The following PLXDC2 variants were observed in gnomAD, a reference collection of about 807,000 sequenced individuals.
PLXDC2 encodes the protein plexin domain containing 2, also known as plexin domain-containing protein 2.
A neutral mutation model predicts 68.9 loss-of-function variants in PLXDC2; 40 were observed. That is an observed-to-expected ratio of 0.58 (90% CI 0.45 to 0.76). The LOEUF is 0.76. Among genes scored for constraint, PLXDC2 ranks in the 30% least tolerant of loss-of-function variants. The probability of loss-of-function intolerance (pLI) is 0.00; values close to 1 mark genes in which losing one functional copy is unlikely to be tolerated. For synonymous variants in PLXDC2, 243 were observed against 234.2 expected (o/e 1.04, Z -0.34); for missense variants, 644 against 661.9 (o/e 0.97, Z 0.30).
intron 1 of PLXDC2, among the ~76,000 whole-genome samples, chr10:19,859,906 A>G (rs769356522): frequency 2.0e-5 from 3 of 151,858 alleles, no homozygotes; most frequent in Non-Finnish European, 4.4e-5. Flanking sequence ...TAATTTTTGT[A>G]TTTTTAGTGG....
intron 1 of PLXDC2, among the ~76,000 whole-genome samples, chr10:19,909,931 G>C (rs1442008866): frequency 6.6e-6 from 1 of 152,124 alleles, no homozygotes; most frequent in Non-Finnish European, 1.5e-5. Context: ...CTTTAGTGCT[G>C]TTCATACTTG....
At chr10:19,958,815 TTTTTG>T (rs149765264) in intron 1 of PLXDC2, among the ~76,000 whole-genome samples, 14 of 151,792 alleles carry the variant, frequency 9.2e-5, no homozygotes, top group African/African-American at 2.7e-4. Context: ...TGTATGTAAG[TTTTTG>T]TTTTGTTTTG....
In PLXDC2 at chr10:20,044,243, T is replaced by TTCTTTCTTTCTTTCTTTCTTTC. The variant is rs1835751562; in HGVS notation, c.325-2624_325-2603dup. On this transcript the variant is annotated intron_variant, in intron 2 of 13. Transcript: ENST00000377252. ...TTTCTTTCTTTCTTTCTTTCTTTCT[T>TTCTTTCTTTCTTTCTTTCTTTC]TCTTTCTTTCTTTCTTTCTTTCTTT... Among the ~76,000 whole-genome samples, 27 of 114,284 alleles carry TTCTTTCTTTCTTTCTTTCTTTC rather than the reference T, an allele frequency of 2.4e-4. 1 individual carries two copies. Among genetic ancestry groups the TTCTTTCTTTCTTTCTTTCTTTC allele is most frequent in the Admixed American group, 4.5e-4 (5 of 11,040 alleles). The allele number at this position is 114,284 out of a possible 152,430, so 75.0% of individuals were successfully genotyped here. A position where few individuals can be genotyped will look rare whatever the true frequency, so the allele number is the denominator to read the frequency against.
chr10:20,274,585 GA>G, intron 13 of PLXDC2, among the ~76,000 whole-genome samples: 1 of 152,274 alleles, frequency 6.6e-6, no homozygotes, highest in Middle Eastern at 3.4e-3. Context: ...AGGGCGAGCA[GA>G]AAATGTGCAA....
At chr10:20,134,020 G>A (rs1358253686) in intron 4 of PLXDC2, among the ~76,000 whole-genome samples, 2 of 152,108 alleles carry the variant, frequency 1.3e-5, no homozygotes, top group African/African-American at 4.8e-5. Context: ...TTTCAGTTCA[G>A]TTAATGTTTT....
At position 20,177,505 on chromosome 10, in the gene PLXDC2, C is replaced by G. The variant is rs938908868; in HGVS notation, c.1061+96C>G. 2.4e-5 allele frequency: 12 copies of G among 500,430 alleles called. No individual in the cohort carries two copies. In the African/African-American group the frequency reaches 2.5e-4, roughly 10 times the overall value. The allele number at this position is 500,430 out of a possible 1,614,324, so 31.0% of individuals were successfully genotyped here. ...ACTTATGGACAGGTGCAGTGGCTCA[C>G]ACTTGTAATCCCAGCACTTTGAGAG... On this transcript the variant is annotated intron_variant, in intron 9 of 13. Transcript: ENST00000377252.
chr10:20,242,391 T>G lies in PLXDC2; in HGVS notation c.1313-2954T>G, dbSNP rs754662166. Among the ~76,000 whole-genome samples, 4 of 152,164 alleles carry G rather than the reference T, an allele frequency of 2.6e-5. No individual in the cohort carries two copies. In the South Asian group the frequency reaches 8.3e-4, roughly 31 times the overall value. ...AGTGCTTATTATGAGTCAGGTACTC[T>G]CCTAAGAACTTTATATGTATTAAAT... On this transcript the variant is annotated intron_variant, in intron 12 of 13. Coordinates refer to ENST00000377252, the MANE Select transcript of PLXDC2 (RefSeq NM_032812.9).
intron 9 of PLXDC2, among the ~76,000 whole-genome samples, chr10:20,193,574 C>T (rs978265170): frequency 6.6e-6 from 1 of 152,010 alleles, no homozygotes; most frequent in South Asian, 2.1e-4. Context: ...GAAGATTCAA[C>T]ACTATATATG....
chr10:19,940,118 A>G (rs1052555943), intron 1 of PLXDC2, among the ~76,000 whole-genome samples: 1 of 151,818 alleles, frequency 6.6e-6, no homozygotes, highest in Non-Finnish European at 1.5e-5. Flanking sequence ...GGGTCTTATC[A>G]TTGGGCAAAT....
chr10:20,104,572 T>C (rs759310146), intron 4 of PLXDC2, among the ~76,000 whole-genome samples: 1 of 152,210 alleles, frequency 6.6e-6, no homozygotes, highest in Non-Finnish European at 1.5e-5. Context: ...CTGCAGCAGC[T>C]AGGTTCCATG....
At chr10:20,012,741 G>A (rs7921016) in intron 2 of PLXDC2, among the ~76,000 whole-genome samples, 69,205 of 151,902 alleles carry the variant, frequency 0.46, 16,376 homozygotes, top group East Asian at 0.58. Flanking sequence ...AAGGCATCAA[G>A]TACTCAAATG....
chr10:20,149,229 C>CTTTTTTTTTTTTTTTT (rs71200986), intron 6 of PLXDC2, among the ~76,000 whole-genome samples: 100 of 34,954 alleles, frequency 2.9e-3, no homozygotes, highest in African/African-American at 3.4e-3. Context: ...TTTTTCTTTT[C>CTTTTTTTTTTTTTTTT]TTTTTTTTTT....
intron 3 of PLXDC2, among the ~76,000 whole-genome samples, chr10:20,057,266 C>T (rs1409915693): frequency 6.6e-6 from 1 of 152,056 alleles, no homozygotes; most frequent in East Asian, 1.9e-4. Flanking sequence ...AGAGTAAACA[C>T]ATCTGAAAGC....
intron 2 of PLXDC2, among the ~76,000 whole-genome samples, chr10:20,017,283 G>A (rs562712551): frequency 6.6e-6 from 1 of 152,262 alleles, no homozygotes; most frequent in African/African-American, 2.4e-5. Context: ...CAGCTAAGTA[G>A]AATAAAGGGA....
intron 4 of PLXDC2, among the ~76,000 whole-genome samples, chr10:20,107,295 AG>A (rs1433557908): frequency 2.6e-5 from 4 of 152,020 alleles, no homozygotes; most frequent in Non-Finnish European, 5.9e-5. Flanking sequence ...AGCCTTCACG[AG>A]GTTAGAAACT....
intron 13 of PLXDC2, among the ~76,000 whole-genome samples, chr10:20,261,711 G>A (rs866165089): frequency 1.5e-4 from 23 of 151,976 alleles, no homozygotes; most frequent in African/African-American, 3.6e-4. Flanking sequence ...AAAATTATCC[G>A]GGGGTGGTAG....
intron 13 of PLXDC2, among the ~76,000 whole-genome samples, chr10:20,276,543 C>T (rs1343986625): frequency 1.3e-5 from 2 of 152,026 alleles, no homozygotes; most frequent in Admixed American, 1.3e-4. Context: ...TAGAAATCAC[C>T]CACACACTGC....
At chr10:20,185,512 A>C (rs1170044532) in intron 9 of PLXDC2, among the ~76,000 whole-genome samples, 1 of 152,012 alleles carries the variant, frequency 6.6e-6, no homozygotes, top group African/African-American at 2.4e-5. Context: ...GAATTAGGAC[A>C]CCACAATTGT....
intron 1 of PLXDC2, among the ~76,000 whole-genome samples, chr10:19,899,090 G>A (rs771995416): frequency 2.0e-5 from 3 of 152,100 alleles, no homozygotes; most frequent in Admixed American, 6.5e-5. Context: ...TTTGCGAAGG[G>A]GAAGGTAACC....
Sources: gnomAD v4.1 joint callset for allele counts (sites outside exome capture counted in the v4.1 genomes callset) on GRCh38, gnomAD v4.1.1 for gene constraint, MANE v1.5 for transcripts, NCBI Gene and HGNC (gene_info 2026-07-23, HGNC 2026-07-21) for gene names.